PTPN23: variants seen among roughly 807,000 people sequenced by gnomAD.
PTPN23 encodes the protein protein tyrosine phosphatase non-receptor type 23.
In PTPN23, 72 loss-of-function variants were observed where a neutral mutation model predicts 156.3. The observed-to-expected ratio is 0.46, with a 90% CI of 0.38 to 0.56. The LOEUF (loss-of-function observed/expected upper bound fraction) is 0.56, where lower values mean the gene tolerates loss of function less well. Ranked by LOEUF, PTPN23 falls within the 20% of genes least tolerant of loss-of-function variation. The probability of loss-of-function intolerance (pLI) is 0.00; values close to 1 mark genes in which losing one functional copy is unlikely to be tolerated. For synonymous variants in PTPN23, 957 were observed against 899.6 expected, an observed-to-expected ratio of 1.06 and a Z score of -1.14; for missense variants, 1,974 against 2,171.5, an observed-to-expected ratio of 0.91 and a Z score of 1.81.
At chr3:47,399,112 G>A (rs1704940886) in intron 2 of PTPN23, among the ~76,000 whole-genome samples, 1 of 152,184 alleles carries the variant, frequency 6.6e-6, no homozygotes, top group African/African-American at 2.4e-5. Context: ...AATAGTGGAG[G>A]AGCTGCCTCT....
intron 1 of PTPN23, among the ~76,000 whole-genome samples, chr3:47,393,832 C>T (rs917350387): frequency 4.0e-5 from 6 of 151,792 alleles, no homozygotes; most frequent in Middle Eastern, 3.2e-3. Context: ...ACAGCCTCAA[C>T]CTCCCAGGCT....
At chr3:47,404,294 T>C (rs558376647) in intron 2 of PTPN23, among the ~76,000 whole-genome samples, 2 of 152,000 alleles carry the variant, frequency 1.3e-5, no homozygotes, top group South Asian at 2.1e-4. Context: ...TAGCCAGGCA[T>C]GGTGGCGTGT....
chr3:47,406,217 G>A lies in PTPN23; in HGVS notation c.547-108G>A, dbSNP rs1257064331. 1.4e-6 allele frequency: 2 copies of A among 1,475,346 alleles called. No homozygotes were observed. Among genetic ancestry groups the A allele is most frequent in the African/African-American group, 2.8e-5 (2 of 71,584 alleles). 91.4% of individuals were successfully genotyped at this position (1,475,346 alleles called of 1,614,324 possible). On this transcript the variant is annotated intron_variant, in intron 6 of 24. Transcript: ENST00000265562. This position sits in a 1 kb window ranked among gnomAD's most constrained non-coding sequence, Gnocchi z 5.8. ...GCTTGGAGTGGGGGCAGCTGGGGGAGAGGGCAGTGAAGAGGGATCCCTCAG... is the reference window on the plus strand; with the variant it reads ...GCTTGGAGTGGGGGCAGCTGGGGGAAAGGGCAGTGAAGAGGGATCCCTCAG...
Position 47,411,559 on chromosome 3 carries a change from C to T in PTPN23, c.3761C>T (p.Pro1254Leu). 6.2e-7 allele frequency: 1 copy of T among 1,612,810 alleles called. No homozygotes were observed. Among genetic ancestry groups the T allele is most frequent in the Non-Finnish European group, 8.5e-7 (1 of 1,180,002 alleles). ...INASCVEGLS[P>L]YCPPLVATQA... is the part of the protein sequence containing the mutation. The stretch of plus-strand genomic sequence containing the variant: ...GCCAGCTGCGTGGAGGGGCTCTCCC[C>T]ATACTGCCCCCCGCTAGTGGCAACC... The change falls in exon 20 of 25, where the codon CCA becomes CTA. Residue 1254 changes from proline to leucine, a missense_variant. Around this residue, in one of 4 missense-constraint regions of PTPN23, gnomAD observed 484 missense variants for 516.0 expected, o/e 0.94. Transcript: ENST00000265562. The surrounding 1 kb of genome is among the most constrained non-coding windows in gnomAD (Gnocchi z 6.3).
intron 1 of PTPN23, among the ~76,000 whole-genome samples, chr3:47,395,863 C>T (rs140540064): frequency 1.2e-3 from 176 of 152,264 alleles, no homozygotes; most frequent in African/African-American, 3.5e-3. Flanking sequence ...CATTTCAGTC[C>T]GCTGAGTTCC....
At position 47,409,219 on chromosome 3, in the gene PTPN23, C is replaced by T. The variant is rs867775818; in HGVS notation, c.1699C>T (p.Arg567Trp). Reference protein sequence around the residue: ...KRILAKVQEMRDQRVSLEQQL... With the variant: ...KRILAKVQEMWDQRVSLEQQL... ...CATCCTGGCTAAGGTGCAGGAGATGCGGGACCAGCGCGTGTCCCTGGAGCA... is the reference window on the plus strand; with the variant it reads ...CATCCTGGCTAAGGTGCAGGAGATGTGGGACCAGCGCGTGTCCCTGGAGCA... The change falls in exon 17 of 25, where the codon CGG becomes TGG. Residue 567 changes from arginine (R) to tryptophan (W), a missense_variant. By Grantham distance (101) the Arg-to-Trp change is moderately radical. Transcript: ENST00000265562. 4.3e-6 allele frequency: 7 copies of T among 1,614,018 alleles called. No individual in the cohort carries two copies. The highest frequency in any genetic ancestry group is 2.7e-5 in the African/African-American group (2 of 74,932).
chr3:47,391,095 AGTATGGTG>A (rs1242252557), intron 1 of PTPN23, among the ~76,000 whole-genome samples: 1 of 152,016 alleles, frequency 6.6e-6, no homozygotes, highest in Non-Finnish European at 1.5e-5. Flanking sequence ...AAATTAGCTG[AGTATGGTG>A]GTATGTGCCT....
Position 47,412,922 on chromosome 3 carries a change from T to TCCCCCC in PTPN23, c.4652_4653insCCCCCC (p.Pro1551_Leu1552insProPro). On this transcript the variant is annotated inframe_insertion, in exon 25 of 25. Coordinates refer to ENST00000265562, the MANE Select transcript of PTPN23 (RefSeq NM_015466.4). ...ATCTTCCTCCCCGCCCCCCCTTTCC[T>TCCCCCC]CCCCACTACCTGAGGCTCCCCAGCC... 7.8e-7 allele frequency: 1 copy of TCCCCCC among 1,279,756 alleles called. No individual in the cohort carries two copies. The allele number at this position is 1,279,756 out of a possible 1,614,324, so 79.3% of individuals were successfully genotyped here. A position where few individuals can be genotyped will look rare whatever the true frequency, so the allele number is the denominator to read the frequency against.
intron 1 of PTPN23, among the ~76,000 whole-genome samples, chr3:47,382,628 A>G (rs1411482555): frequency 1.4e-5 from 2 of 143,112 alleles, no homozygotes; most frequent in Admixed American, 7.0e-5. Context: ...TACAAATACA[A>G]TTGGATGAAT....
At chr3:47,396,603 C>T (rs1704884746) in intron 2 of PTPN23, among the ~76,000 whole-genome samples, 3 of 151,716 alleles carry the variant, frequency 2.0e-5, no homozygotes, top group Admixed American at 6.6e-5. Context: ...ACCACCTGGC[C>T]CTTTCTAGCT....
rs771750174 is a variant in PTPN23, at chr3:47,408,841, G to A, written c.1396G>A (p.Asp466Asn). Residue 466 changes from aspartate to asparagine, a missense_variant, in exon 16 of 25, where the codon GAT becomes AAT. By Grantham distance (23) the Asp-to-Asn change is conservative. This residue lies in a region of PTPN23 where 726 missense variants were observed against 929.5 expected (regional missense o/e 0.78). Transcript: ENST00000265562. Reference protein sequence around the residue: ...LKDIRDLLEEDELLEQKFQEA... With the variant: ...LKDIRDLLEENELLEQKFQEA... ...GGACATCAGAGATCTGTTGGAGGAGGATGAGCTGCTAGAGCAGAAGTTTCA... is the reference window on the plus strand; with the variant it reads ...GGACATCAGAGATCTGTTGGAGGAGAATGAGCTGCTAGAGCAGAAGTTTCA... 8 of 1,613,906 alleles carry A rather than the reference G, an allele frequency of 5.0e-6. No individual in the cohort carries two copies. The Admixed American group carries it at 8.3e-5, about 17-fold the overall frequency.
At chr3:47,381,629 C>T (rs1444107021) in intron 1 of PTPN23, among the ~76,000 whole-genome samples, 5 of 152,172 alleles carry the variant, frequency 3.3e-5, no homozygotes, top group African/African-American at 9.7e-5. Context: ...CTGGGGATGG[C>T]TCAGGGGCGT....
At position 47,407,587 on chromosome 3, in the gene PTPN23, C is replaced by G; in HGVS notation, c.1003+3C>G. On this transcript the variant is annotated splice_donor_region_variant and intron_variant, in intron 12 of 24. Coordinates refer to ENST00000265562, the MANE Select transcript of PTPN23 (RefSeq NM_015466.4). The surrounding 1 kb of genome is among the most constrained non-coding windows in gnomAD (Gnocchi z 4.0). Reference sequence around the variant, plus strand: ...GGACACTCTTCAGCCTGTAAAAGGTCGGGGAGCTGAGAGGTGGGGGCAGAG... The same window carrying G: ...GGACACTCTTCAGCCTGTAAAAGGTGGGGGAGCTGAGAGGTGGGGGCAGAG... The G allele has an allele frequency of 1.2e-6, 2 of 1,612,692 alleles. No individual in the cohort carries two copies. The highest frequency in any genetic ancestry group is 2.7e-5 in the African/African-American group (2 of 74,964).
intron 2 of PTPN23, among the ~76,000 whole-genome samples, chr3:47,397,148 C>A (rs1050795243): frequency 6.6e-6 from 1 of 152,134 alleles, no homozygotes. Context: ...GGGTGCAATT[C>A]ATGGCACCAA....
chr3:47,409,815 C>T lies in PTPN23; in HGVS notation c.2110C>T (p.Arg704Cys). The change falls in exon 19 of 25, where the codon CGC (arginine) becomes TGC (cysteine). Residue 704 changes from arginine to cysteine, a missense_variant. Physicochemically the swap from Arg to Cys is radical, Grantham distance 180. Coordinates refer to ENST00000265562, the MANE Select transcript of PTPN23 (RefSeq NM_015466.4). ...QSTCQAREAARQQLLDRELKK... is the reference protein window; with the variant it reads ...QSTCQAREAACQQLLDRELKK... ...CACCTGCCAGGCCCGCGAGGCTGCC[C>T]GCCAGCAGCTCCTGGACAGGTTTGT... 1.2e-6 allele frequency: 2 copies of T among 1,609,906 alleles called. No homozygotes were observed. Among genetic ancestry groups the T allele is most frequent in the Non-Finnish European group, 1.7e-6 (2 of 1,179,112 alleles).
At chr3:47,393,514 G>A (rs1216088552) in intron 1 of PTPN23, among the ~76,000 whole-genome samples, 1 of 152,156 alleles carries the variant, frequency 6.6e-6, no homozygotes, top group Admixed American at 6.6e-5. Context: ...TAGATAGATA[G>A]AGAGAGATCC....
At chr3:47,392,944 C>T (rs1704804620) in intron 1 of PTPN23, among the ~76,000 whole-genome samples, 1 of 152,096 alleles carries the variant, frequency 6.6e-6, no homozygotes, top group Non-Finnish European at 1.5e-5. Context: ...AGTGATCCTC[C>T]TGCCTCAGCC....
At chr3:47,408,009 CTGGGGGCCCCAGGGCTGCCTA>C (rs1705171007) in intron 14 of PTPN23, 54 bp downstream of exon 14, 1 of 1,586,038 alleles carries the variant, frequency 6.3e-7, no homozygotes, top group African/African-American at 1.3e-5. Flanking sequence ...TCCCGGGCCT[CTGGGGGCCCCAGGGCTGCCTA>C]TGCTGGGAGA....
Position 47,413,107 on chromosome 3 carries a change from G to A in PTPN23, c.4833G>A (p.Gly1611=), listed in dbSNP as rs1705370468. ...ATAACTTTCTGCAGGCCCATAACGG[G>A]CAAGGGCTGCGGGCCACCCGGCCCT... is the stretch of plus-strand genomic sequence containing the variant. ...SKHNFLQAHN[G]QGLRATRPSD... Residue 1611 remains glycine (G), a synonymous_variant, in exon 25 of 25, where the codon GGG becomes GGA. Transcript: ENST00000265562. 1 of 1,612,796 alleles carries A rather than the reference G, an allele frequency of 6.2e-7. No homozygotes were observed. Among genetic ancestry groups the A allele is most frequent in the Non-Finnish European group, 8.5e-7 (1 of 1,180,040 alleles).
Sources: allele counts gnomAD v4.1 joint callset (sites outside exome capture counted in the v4.1 genomes callset), GRCh38; gene constraint gnomAD v4.1.1; regional missense constraint gnomAD v4.1.1; non-coding constraint Gnocchi (gnomAD v3.1); transcripts MANE v1.5; gene names NCBI Gene and HGNC (gene_info 2026-07-23, HGNC 2026-07-21).